SDHD: variants seen among roughly 807,000 people sequenced by gnomAD.
SDHD encodes the protein succinate dehydrogenase complex subunit D.
A neutral mutation model predicts 18.7 loss-of-function variants in SDHD; 6 were observed. The observed-to-expected ratio is 0.32, with a 90% CI of 0.18 to 0.63. The LOEUF is 0.63. Among genes scored for constraint, SDHD ranks in the 30% least tolerant of loss-of-function variants. SDHD has a pLI of 0.79. For missense variants in SDHD, 160 were observed against 192.7 expected (o/e 0.83, Z 1.00); for synonymous variants, 56 against 73.9 (o/e 0.76, Z 1.24).
chr11:112,089,651 C>G (rs1865708040), intron 3 of SDHD, among the ~76,000 whole-genome samples: 1 of 106,004 alleles, frequency 9.4e-6, no homozygotes, highest in Non-Finnish European at 2.5e-5. Context: ...CAGGGCTTCT[C>G]TTACTGCTTC....
chr11:112,090,412 A>C (rs1000139770), intron 3 of SDHD, among the ~76,000 whole-genome samples: 15 of 152,092 alleles, frequency 9.9e-5, no homozygotes, highest in African/African-American at 3.6e-4. Flanking sequence ...TGTCCGGCCC[A>C]GCTTTTGTTT....
intron 3 of SDHD, among the ~76,000 whole-genome samples, chr11:112,093,788 C>T (rs1188490502): frequency 6.6e-6 from 1 of 152,136 alleles, no homozygotes; most frequent in African/African-American, 2.4e-5. Flanking sequence ...TCTTACTATT[C>T]ATTAGAGATG....
intron 2 of SDHD, 83 bp from the exon 3 acceptor site, chr11:112,088,784 T>G: frequency 6.8e-7 from 1 of 1,468,922 alleles, no homozygotes; most frequent in Non-Finnish European, 9.5e-7. Flanking sequence ...TGCCTGTCAG[T>G]TTGGGTTACT....
intron 2 of SDHD, chr11:112,088,542 G>A (rs1592779797): frequency 2.5e-6 from 1 of 393,164 alleles, no homozygotes; most frequent in East Asian, 6.1e-5. Context: ...TAAGGTGTCT[G>A]TTCACTTCAC....
intron 3 of SDHD, among the ~76,000 whole-genome samples, chr11:112,093,453 G>A: frequency 6.6e-6 from 1 of 152,128 alleles, no homozygotes; most frequent in Non-Finnish European, 1.5e-5. Context: ...TGGGCTAAGA[G>A]GTAGAGGGTT....
chr11:112,095,583 T>C lies in SDHD; in HGVS notation c.*613T>C, dbSNP rs693441. 219,801 of 230,310 alleles carry C rather than the reference T, an allele frequency of 0.95. 105,713 individuals are homozygous for C. The highest frequency in any genetic ancestry group is 1 in the East Asian group (15,962 of 15,964). 14.3% of individuals were successfully genotyped at this position (230,310 alleles called of 1,614,324 possible). A position where few individuals can be genotyped will look rare whatever the true frequency, so the allele number is the denominator to read the frequency against. On this transcript the variant is annotated 3_prime_UTR_variant, in exon 4 of 4. Transcript: ENST00000375549. Reference sequence around the variant, plus strand: ...AGTTCCATTTAAGGGCAAGTTTCCCTGTAGATGTATCAAAATACTACCAAC... The same window carrying C: ...AGTTCCATTTAAGGGCAAGTTTCCCCGTAGATGTATCAAAATACTACCAAC...
rs940936212 is a variant in SDHD, at chr11:112,086,944, G to T, written c.37G>T (p.Ala13Ser). The change falls in exon 1 of 4, where the codon GCC (alanine) becomes TCC (serine). Residue 13 changes from alanine to serine, a missense_variant. Ala to Ser is a moderately conservative substitution (Grantham distance 99, BLOSUM62 1). Transcript: ENST00000375549. ...VLWRLSAVCG[A>S]LGGRALLLRT... ...CTGGAGGCTGAGTGCCGTTTGCGGT[G>T]CCCTAGGAGGCCGAGGTGAGGGGTC... 1 of 1,614,176 alleles carries T rather than the reference G, an allele frequency of 6.2e-7. No individual in the cohort carries two copies.
At chr11:112,088,215 T>C in intron 2 of SDHD, 1 of 511,694 alleles carries the variant, frequency 2.0e-6, no homozygotes, top group Non-Finnish European at 3.5e-6. Context: ...TTTCTTTTTT[T>C]TTGAGACAGA....
At chr11:112,091,433 C>G (rs1865744150) in intron 3 of SDHD, among the ~76,000 whole-genome samples, 1 of 152,214 alleles carries the variant, frequency 6.6e-6, no homozygotes, top group Non-Finnish European at 1.5e-5. Context: ...AGATCCTTCT[C>G]CTCTTGTCTG....
intron 3 of SDHD, chr11:112,091,246 C>T (rs1865740650): frequency 4.3e-6 from 1 of 234,946 alleles, no homozygotes; most frequent in Non-Finnish European, 6.9e-6. Flanking sequence ...CTTATCCCAA[C>T]TATATAACTT....
At chr11:112,092,773 C>T (rs2135274641) in intron 3 of SDHD, among the ~76,000 whole-genome samples, 1 of 152,220 alleles carries the variant, frequency 6.6e-6, no homozygotes, top group Non-Finnish European at 1.5e-5. Context: ...TAGGTGTATA[C>T]CCAAGAGAAC....
chr11:112,093,844 G>A (rs1181154841), intron 3 of SDHD, among the ~76,000 whole-genome samples: 2 of 152,030 alleles, frequency 1.3e-5, no homozygotes, highest in African/African-American at 2.4e-5. Flanking sequence ...TTTCTAAAGT[G>A]TTTCTTCTCA....
Position 112,087,711 on chromosome 11 carries a change from C to G in SDHD, c.53-146C>G, listed in dbSNP as rs1321950691. On this transcript the variant is annotated intron_variant, in intron 1 of 3. Coordinates refer to ENST00000375549, the MANE Select transcript of SDHD (RefSeq NM_003002.4). ...CCCTGGTCTTAACTTCACAGTAACC[C>G]CAGTGAAATAGATGCTATCTTCATT... 6.8e-6 allele frequency: 5 copies of G among 737,884 alleles called. No homozygotes were observed. The East Asian group carries it at 1.0e-4, about 15-fold the overall frequency. The allele number at this position is 737,884 out of a possible 1,614,324, so 45.7% of individuals were successfully genotyped here. A position where few individuals can be genotyped will look rare whatever the true frequency, so the allele number is the denominator to read the frequency against.
At chr11:112,087,649 A>G (rs557908820) in intron 1 of SDHD, among the ~76,000 whole-genome samples, 1 of 152,326 alleles carries the variant, frequency 6.6e-6, no homozygotes, top group Admixed American at 6.5e-5. Context: ...AGAATGCCTG[A>G]GGTGTCATTA....
intron 1 of SDHD, 43 bp downstream of exon 1, chr11:112,087,002 G>T: frequency 2.5e-6 from 4 of 1,606,532 alleles, no homozygotes; most frequent in Non-Finnish European, 3.4e-6. Flanking sequence ...GTAGCCTCCA[G>T]CCAGGGAAGG....
chr11:112,093,659 G>A (rs1275613492), intron 3 of SDHD, among the ~76,000 whole-genome samples: 1 of 152,092 alleles, frequency 6.6e-6, no homozygotes, highest in East Asian at 1.9e-4. Context: ...ATGTATCAGT[G>A]GTTTCCTATT....
At position 112,095,440 on chromosome 11, in the gene SDHD, C is replaced by T. The variant is rs201695244; in HGVS notation, c.*470C>T. 3 of 257,370 alleles carry T rather than the reference C, an allele frequency of 1.2e-5. No individual in the cohort carries two copies. Among genetic ancestry groups the T allele is most frequent in the Non-Finnish European group, 2.3e-5 (3 of 131,710 alleles). 15.9% of individuals were successfully genotyped at this position (257,370 alleles called of 1,614,324 possible). ...AACTTCCCTCTCTAGACAGTAGATA[C>T]CACCTACTGATGGTTACATATACTA... is the stretch of plus-strand genomic sequence containing the variant. On this transcript the variant is annotated 3_prime_UTR_variant, in exon 4 of 4. Transcript: ENST00000375549.
chr11:112,093,855 G>GTACATATA (rs1865791407), intron 3 of SDHD, among the ~76,000 whole-genome samples: 1 of 152,066 alleles, frequency 6.6e-6, no homozygotes, highest in South Asian at 2.1e-4. Flanking sequence ...TTTCTTCTCA[G>GTACATATA]TACATATATA....
intron 3 of SDHD, among the ~76,000 whole-genome samples, chr11:112,092,835 AT>A (rs1865769422): frequency 6.6e-6 from 1 of 152,174 alleles, no homozygotes. Flanking sequence ...TAGCAGCATT[AT>A]TTATAATAGC....
Sources: gnomAD v4.1 joint callset for allele counts (sites outside exome capture counted in the v4.1 genomes callset) on GRCh38, gnomAD v4.1.1 for gene constraint, MANE v1.5 for transcripts, NCBI Gene and HGNC (gene_info 2026-07-23, HGNC 2026-07-21) for gene names.